RAB5A: variants seen among roughly 807,000 people sequenced by gnomAD.
RAB5A encodes RAB5A, member RAS oncogene family.
A neutral mutation model predicts 25.7 loss-of-function variants in RAB5A; 8 were observed. The observed-to-expected ratio is 0.31, with a 90% CI of 0.18 to 0.56. The LOEUF (loss-of-function observed/expected upper bound fraction) is 0.56. Among genes scored for constraint, RAB5A ranks in the 20% least tolerant of loss-of-function variants. The probability of loss-of-function intolerance (pLI) is 0.91; values close to 1 mark genes in which losing one functional copy is unlikely to be tolerated. For missense variants in RAB5A, 192 were observed against 259.7 expected, an observed-to-expected ratio of 0.74 and a Z score of 1.79; for synonymous variants, 98 against 89.8, an observed-to-expected ratio of 1.09 and a Z score of -0.52.
At chr3:19,956,002 G>C (rs1296565767) in intron 2 of RAB5A, among the ~76,000 whole-genome samples, 1 of 152,132 alleles carries the variant, frequency 6.6e-6, no homozygotes, top group Admixed American at 6.5e-5. Context: ...ATGCCTTCCT[G>C]TTAGCCACCT....
intron 5 of RAB5A, among the ~76,000 whole-genome samples, chr3:19,983,205 G>A (rs1017986631): frequency 6.6e-6 from 1 of 151,852 alleles, no homozygotes; most frequent in Non-Finnish European, 1.5e-5. Flanking sequence ...GTGTGGTGGG[G>A]CATGCCTGTA....
At chr3:19,980,382 TAAAAG>T (rs1198209217) in intron 5 of RAB5A, among the ~76,000 whole-genome samples, 3 of 152,288 alleles carry the variant, frequency 2.0e-5, no homozygotes, top group Non-Finnish European at 4.4e-5. Context: ...TTGCACTTCT[TAAAAG>T]AAAATCTATG....
chr3:19,972,111 A>G (rs1696760929), intron 2 of RAB5A, among the ~76,000 whole-genome samples: 1 of 151,900 alleles, frequency 6.6e-6, no homozygotes, highest in South Asian at 2.1e-4. Context: ...CAATTTCCAC[A>G]CTTAACACCT....
At chr3:19,979,250 C>T (rs1324910716) in intron 5 of RAB5A, among the ~76,000 whole-genome samples, 6 of 151,596 alleles carry the variant, frequency 4.0e-5, no homozygotes, top group Non-Finnish European at 7.4e-5. Flanking sequence ...GCTGGGATTA[C>T]AGGCGTGAGC....
chr3:19,947,285 C>CGGCGGAGGA lies in RAB5A; in HGVS notation c.-328_-327insCGGAGGAGG. Reference sequence around the variant, plus strand: ...CCAGCGCCGGCGGCGGCGGCGGCGGCGGAGGAGGAGAAAGGAAAGAGGAAG... The same window carrying CGGCGGAGGA: ...CCAGCGCCGGCGGCGGCGGCGGCGGCGGCGGAGGAGGAGGAGGAGAAAGGAAAGAGGAAG... On this transcript the variant is annotated 5_prime_UTR_variant, in exon 1 of 6. Transcript: ENST00000273047. The CGGCGGAGGA allele has an allele frequency of 5.5e-6, 1 of 183,370 alleles. No homozygotes were observed. The highest frequency in any genetic ancestry group is 1.0e-5 in the Non-Finnish European group (1 of 96,532). 11.4% of individuals were successfully genotyped at this position (183,370 alleles called of 1,614,324 possible). A position where few individuals can be genotyped will look rare whatever the true frequency, so the allele number is the denominator to read the frequency against.
intron 2 of RAB5A, among the ~76,000 whole-genome samples, chr3:19,969,019 T>G (rs950974475): frequency 4.7e-5 from 7 of 148,730 alleles, no homozygotes; most frequent in Non-Finnish European, 1.0e-4. Context: ...AAATTGGTGT[T>G]TTTTGGTTTT....
At chr3:19,951,161 C>A in intron 2 of RAB5A, 100 bp downstream of exon 2, 1 of 1,361,900 alleles carries the variant, frequency 7.3e-7, no homozygotes. Context: ...CTAAATAAGT[C>A]ATAGAGTGAA....
At chr3:19,979,747 A>G (rs1696887700) in intron 5 of RAB5A, among the ~76,000 whole-genome samples, 1 of 151,426 alleles carries the variant, frequency 6.6e-6, no homozygotes. Context: ...GTTTTAATGT[A>G]TAGATTCTAC....
intron 2 of RAB5A, among the ~76,000 whole-genome samples, chr3:19,969,546 A>C (rs1314852624): frequency 6.6e-6 from 1 of 152,302 alleles, no homozygotes; most frequent in Non-Finnish European, 1.5e-5. Context: ...CCATTGTAGA[A>C]ATTTTTCTCA....
chr3:19,958,244 A>G (rs931730087), intron 2 of RAB5A, among the ~76,000 whole-genome samples: 1 of 152,258 alleles, frequency 6.6e-6, no homozygotes, highest in Admixed American at 6.5e-5. Context: ...GTTTCAAGCA[A>G]AATAATAATA....
intron 3 of RAB5A, 77 bp from the exon 4 acceptor site, chr3:19,975,967 CTTT>C (rs1303334880): frequency 3.8e-5 from 58 of 1,519,408 alleles, no homozygotes; most frequent in Non-Finnish European, 5.1e-5. Context: ...TTGGGACAGT[CTTT>C]TAAAGCCTTG....
At chr3:19,949,874 GTC>G (rs1393207865) in intron 1 of RAB5A, among the ~76,000 whole-genome samples, 1 of 151,728 alleles carries the variant, frequency 6.6e-6, no homozygotes, top group African/African-American at 2.4e-5. Flanking sequence ...GCAGTTAAGT[GTC>G]TCTACCAAAA....
At chr3:19,954,638 C>G (rs1384002182) in intron 2 of RAB5A, among the ~76,000 whole-genome samples, 2 of 152,008 alleles carry the variant, frequency 1.3e-5, no homozygotes, top group African/African-American at 4.8e-5. Context: ...GCCAACATAG[C>G]AAAACCCCGT....
intron 1 of RAB5A, among the ~76,000 whole-genome samples, chr3:19,949,633 G>T (rs561869817): frequency 6.6e-6 from 1 of 152,322 alleles, no homozygotes; most frequent in South Asian, 2.1e-4. Context: ...GTTAAGATTG[G>T]TTTGTGAGTG....
chr3:19,963,669 A>G (rs547577471), intron 2 of RAB5A, among the ~76,000 whole-genome samples: 2 of 152,198 alleles, frequency 1.3e-5, no homozygotes, highest in African/African-American at 2.4e-5. Flanking sequence ...TTGAGAGACA[A>G]GGTCTTCCTC....
intron 2 of RAB5A, among the ~76,000 whole-genome samples, chr3:19,952,195 T>C (rs1320348620): frequency 2.0e-5 from 3 of 152,080 alleles, no homozygotes; most frequent in African/African-American, 4.8e-5. Context: ...AAAATTGACT[T>C]TAATCAAAGA....
chr3:19,949,308 A>G (rs1696386892), intron 1 of RAB5A, among the ~76,000 whole-genome samples: 1 of 152,232 alleles, frequency 6.6e-6, no homozygotes, highest in Non-Finnish European at 1.5e-5. Context: ...TTAAGAACTA[A>G]GATCTCGTGG....
intron 2 of RAB5A, among the ~76,000 whole-genome samples, chr3:19,972,728 G>C (rs1696767950): frequency 6.6e-6 from 1 of 152,176 alleles, no homozygotes; most frequent in African/African-American, 2.4e-5. Flanking sequence ...ATTTCTGAAA[G>C]AATGTACTTG....
At chr3:19,971,213 A>AG (rs532249684) in intron 2 of RAB5A, among the ~76,000 whole-genome samples, 1 of 146,260 alleles carries the variant, frequency 6.8e-6, no homozygotes, top group African/African-American at 2.5e-5. Context: ...AAAAAAAAAA[A>AG]AACACTATAG....
Sources: gnomAD v4.1 joint callset for allele counts (sites outside exome capture counted in the v4.1 genomes callset) on GRCh38, gnomAD v4.1.1 for gene constraint, MANE v1.5 for transcripts, NCBI Gene and HGNC (gene_info 2026-07-23, HGNC 2026-07-21) for gene names.